TENM4: variants seen among roughly 807,000 people sequenced by gnomAD.
TENM4 encodes the protein teneurin-4.
TENM4 carries 82 observed loss-of-function variants against 243.3 expected under a neutral mutation model. That is an observed-to-expected ratio of 0.34 (90% CI 0.28 to 0.40). The LOEUF (loss-of-function observed/expected upper bound fraction) is 0.40. Among genes scored for constraint, TENM4 ranks in the 10% least tolerant of loss-of-function variants. The pLI, the probability that TENM4 is intolerant of heterozygous loss-of-function variation, is 1.00. For synonymous variants in TENM4, 1,412 were observed against 1,456.3 expected (o/e 0.97, Z 0.69); for missense variants, 3,138 against 3,673.3 (o/e 0.85, Z 3.77).
At chr11:78,717,576 A>AT (rs1206039154) in intron 25 of TENM4, among the ~76,000 whole-genome samples, 1 of 152,232 alleles carries the variant, frequency 6.6e-6, no homozygotes, top group Admixed American at 6.5e-5. Context: ...TCAAAGGATT[A>AT]TTTTGAGGAC....
At chr11:78,768,786 C>T (rs1856591359) in intron 18 of TENM4, among the ~76,000 whole-genome samples, 1 of 152,158 alleles carries the variant, frequency 6.6e-6, no homozygotes. Flanking sequence ...CTGCATCAGC[C>T]CCATTTCCTA....
At chr11:79,350,717 C>T (rs560248072) in intron 1 of TENM4, among the ~76,000 whole-genome samples, 130 of 151,912 alleles carry the variant, frequency 8.6e-4, no homozygotes, top group Non-Finnish European at 1.5e-3. Context: ...TGGAATTACA[C>T]GCATAAGTCA....
intron 2 of TENM4, among the ~76,000 whole-genome samples, chr11:79,271,626 G>A (rs1855970628): frequency 6.6e-6 from 1 of 152,142 alleles, no homozygotes; most frequent in South Asian, 2.1e-4. Context: ...GTTTAATGGC[G>A]GGGCTGGGTG....
At chr11:79,314,544 G>A (rs562021523) in intron 1 of TENM4, among the ~76,000 whole-genome samples, 2 of 152,204 alleles carry the variant, frequency 1.3e-5, no homozygotes, top group East Asian at 1.9e-4. Flanking sequence ...CTACCTCACA[G>A]TTCTGTTGTG....
intron 20 of TENM4, among the ~76,000 whole-genome samples, chr11:78,737,385 G>A (rs574006404): frequency 1.3e-5 from 2 of 152,260 alleles, no homozygotes; most frequent in South Asian, 2.1e-4. Context: ...GGTGGGGAGG[G>A]GGCACCCCAT....
intron 4 of TENM4, among the ~76,000 whole-genome samples, chr11:79,089,917 G>T (rs1041655232): frequency 2.0e-5 from 3 of 152,198 alleles, no homozygotes; most frequent in African/African-American, 7.2e-5. Context: ...CACTTCTTAA[G>T]GGAGCTGAGA....
intron 1 of TENM4, among the ~76,000 whole-genome samples, chr11:79,336,334 G>A (rs189102733): frequency 6.6e-6 from 1 of 152,202 alleles, no homozygotes; most frequent in African/African-American, 2.4e-5. Flanking sequence ...GCTTCTGATC[G>A]GTTAAATGGG....
At chr11:79,088,448 G>A (rs769271548) in intron 4 of TENM4, among the ~76,000 whole-genome samples, 13 of 152,196 alleles carry the variant, frequency 8.5e-5, no homozygotes, top group Non-Finnish European at 1.5e-4. Context: ...CATTGGCTCT[G>A]CAGTCAGGAA....
At chr11:78,988,673 C>G (rs1591186279) in intron 6 of TENM4, among the ~76,000 whole-genome samples, 1 of 152,094 alleles carries the variant, frequency 6.6e-6, no homozygotes, top group Non-Finnish European at 1.5e-5. Flanking sequence ...ACAATCCCCC[C>G]ACTCCCTTTT....
intron 6 of TENM4, among the ~76,000 whole-genome samples, chr11:78,942,259 C>CAAAAAAAAAAAAAAAA (rs56973257): frequency 8.9e-5 from 1 of 11,218 alleles, no homozygotes; most frequent in Non-Finnish European, 1.7e-4. Context: ...CAAAATACAC[C>CAAAAAAAAAAAAAAAA]AAAAAAAAAA....
intron 3 of TENM4, among the ~76,000 whole-genome samples, chr11:79,161,293 C>T (rs972660980): frequency 6.6e-6 from 1 of 152,230 alleles, no homozygotes; most frequent in Non-Finnish European, 1.5e-5. Context: ...TATGGGAACA[C>T]TCTTGCCTTA....
chr11:78,784,791 A>C (rs1258362556), intron 16 of TENM4, among the ~76,000 whole-genome samples: 1 of 152,246 alleles, frequency 6.6e-6, no homozygotes, highest in Admixed American at 6.5e-5. Flanking sequence ...GCATCAAAAT[A>C]AAAGGGACAT....
intron 4 of TENM4, among the ~76,000 whole-genome samples, chr11:79,104,376 C>A (rs1047160472): frequency 1.3e-5 from 2 of 152,210 alleles, no homozygotes; most frequent in African/African-American, 4.8e-5. Context: ...AACATCTTAG[C>A]GCATAGCTAT....
intron 28 of TENM4, among the ~76,000 whole-genome samples, chr11:78,699,942 C>A (rs987678535): frequency 1.3e-5 from 2 of 152,148 alleles, no homozygotes; most frequent in African/African-American, 4.8e-5. Context: ...AATTATTTAG[C>A]GTATTTCCAT....
intron 1 of TENM4, among the ~76,000 whole-genome samples, chr11:79,372,612 G>T (rs183567586): frequency 1.3e-5 from 2 of 152,194 alleles, no homozygotes; most frequent in Non-Finnish European, 1.5e-5. Flanking sequence ...GTGAATGCTG[G>T]TCTGCAACAA....
chr11:79,415,874 C>T (rs1436110501), intron 1 of TENM4, among the ~76,000 whole-genome samples: 1 of 151,520 alleles, frequency 6.6e-6, no homozygotes, highest in African/African-American at 2.4e-5. Flanking sequence ...ATTTCCCCAT[C>T]CCCCTTGATA....
At chr11:78,823,720 T>C (rs1195235748) in intron 12 of TENM4, among the ~76,000 whole-genome samples, 6 of 151,942 alleles carry the variant, frequency 3.9e-5, no homozygotes. Context: ...CGGTGCCTAT[T>C]TTCGTCCCCA....
At chr11:78,910,459 C>T (rs1393936797) in intron 6 of TENM4, among the ~76,000 whole-genome samples, 1 of 152,206 alleles carries the variant, frequency 6.6e-6, no homozygotes, top group Admixed American at 6.5e-5. Context: ...TTGGCCTACA[C>T]GACCAATTTA....
At chr11:78,931,416 C>T (rs1856666121) in intron 6 of TENM4, among the ~76,000 whole-genome samples, 1 of 152,150 alleles carries the variant, frequency 6.6e-6, no homozygotes, top group Admixed American at 6.5e-5. Context: ...CAGCCTAAAG[C>T]ACTGGTGTTT....
Sources: allele counts gnomAD v4.1 joint callset (sites outside exome capture counted in the v4.1 genomes callset), GRCh38; gene constraint gnomAD v4.1.1; transcripts MANE v1.5; gene names NCBI Gene and HGNC (gene_info 2026-07-23, HGNC 2026-07-21).